GRB10: variants seen among roughly 807,000 people sequenced by gnomAD.
GRB10 encodes growth factor receptor bound protein 10, also known as growth factor receptor-bound protein 10.
GRB10 carries 20 observed loss-of-function variants against 80.9 expected under a neutral mutation model. The ratio of observed to expected loss-of-function variants is 0.25; its 90% CI spans 0.17 to 0.36. The LOEUF (loss-of-function observed/expected upper bound fraction) is 0.36. Ranked by LOEUF, GRB10 falls within the 10% of genes least tolerant of loss-of-function variation. The pLI, the probability that GRB10 is intolerant of heterozygous loss-of-function variation, is 1.00. For synonymous variants in GRB10, 291 were observed against 291.5 expected, an observed-to-expected ratio of 1.00 and a Z score of 0.02; for missense variants, 548 against 747.7, an observed-to-expected ratio of 0.73 and a Z score of 3.12.
At chr7:50,690,307 A>ACAAC (rs2062651606) in intron 5 of GRB10, among the ~76,000 whole-genome samples, 1 of 47,522 alleles carries the variant, frequency 2.1e-5, no homozygotes, top group South Asian at 6.3e-4. Flanking sequence ...AAACAAACAA[A>ACAAC]CAAACAAACA....
chr7:50,791,261 G>A lies in GRB10; in HGVS notation c.-294+1963C>T, dbSNP rs145401690. On this transcript the variant is annotated intron_variant, in intron 1 of 16. Coordinates refer to the GRB10 transcript ENST00000335866. ...TCCCAAAATAAATGTGTATTTAAAT[G>A]TAAAAAGTGAGTGAACTAAAAGGAA... 6.6e-5 allele frequency among the ~76,000 whole-genome samples: 10 copies of A among 152,240 alleles called. No individual in the cohort carries two copies. In the East Asian group the frequency reaches 1.9e-3, roughly 29 times the overall value.
At chr7:50,761,093 C>T (rs564180001) in intron 2 of GRB10, among the ~76,000 whole-genome samples, 11 of 152,340 alleles carry the variant, frequency 7.2e-5, no homozygotes, top group South Asian at 2.1e-4. Context: ...TGAGGCAGCA[C>T]TGTTACCTCA....
intron 5 of GRB10, among the ~76,000 whole-genome samples, chr7:50,674,984 A>T (rs1049489992): frequency 6.6e-6 from 1 of 152,026 alleles, no homozygotes; most frequent in African/African-American, 2.4e-5. Flanking sequence ...GGTAGGCCGC[A>T]CACAGCCACA....
At chr7:50,620,192 C>T (rs946452544) in intron 8 of GRB10, among the ~76,000 whole-genome samples, 3 of 152,198 alleles carry the variant, frequency 2.0e-5, no homozygotes, top group African/African-American at 7.2e-5. Context: ...CTTATTAAAT[C>T]ATGGAATAAA....
chr7:50,744,245 A>G (rs749043726), intron 3 of GRB10, among the ~76,000 whole-genome samples: 1 of 152,232 alleles, frequency 6.6e-6, no homozygotes, highest in Non-Finnish European at 1.5e-5. Flanking sequence ...GCGTAGAACC[A>G]TCACAGGCCG....
At chr7:50,771,627 C>T (rs542997330) in intron 2 of GRB10, among the ~76,000 whole-genome samples, 4 of 152,286 alleles carry the variant, frequency 2.6e-5, no homozygotes, top group East Asian at 1.9e-4. Context: ...CACACATCAG[C>T]GCCCAAGATT....
intron 7 of GRB10, among the ~76,000 whole-genome samples, chr7:50,647,688 A>C (rs915984477): frequency 1.3e-5 from 2 of 152,342 alleles, no homozygotes; most frequent in Middle Eastern, 3.4e-3. Flanking sequence ...CCACAGGCCG[A>C]CTGTGATGCT....
chr7:50,737,417 C>T (rs60181460), intron 3 of GRB10, among the ~76,000 whole-genome samples: 9,947 of 152,278 alleles, frequency 0.065, 1,079 homozygotes, highest in African/African-American at 0.23. Context: ...CTTCACCTTC[C>T]TCCATGAGTC....
chr7:50,665,521 C>T (rs1001519709), intron 7 of GRB10, among the ~76,000 whole-genome samples: 1 of 152,192 alleles, frequency 6.6e-6, no homozygotes, highest in Admixed American at 6.5e-5. Flanking sequence ...ATGCTTCCAC[C>T]AAGGGTCTGA....
chr7:50,743,416 G>A (rs887311128), intron 3 of GRB10, among the ~76,000 whole-genome samples: 1 of 152,232 alleles, frequency 6.6e-6, no homozygotes, highest in African/African-American at 2.4e-5. Context: ...CAATGGCTTT[G>A]AAACGTAAGC....
At chr7:50,669,990 A>G in intron 6 of GRB10, 127 bp from the exon 7 acceptor site, 1 of 1,191,132 alleles carries the variant, frequency 8.4e-7, no homozygotes, top group Non-Finnish European at 1.2e-6. Context: ...GCCCACGTTC[A>G]CAGTGGCATC....
chr7:50,793,410 C>G (rs1416895037), exon 1 of GRB10: 1 of 148,764 alleles, frequency 6.7e-6, no homozygotes, highest in Non-Finnish European at 1.5e-5. Flanking sequence ...CTCCGAGCGC[C>G]GAGCCCGCCC....
At chr7:50,694,532 A>G (rs2153661099) in intron 5 of GRB10, among the ~76,000 whole-genome samples, 1 of 152,318 alleles carries the variant, frequency 6.6e-6, no homozygotes, top group East Asian at 1.9e-4. Flanking sequence ...ACTCTGGCCA[A>G]TAACTTAAAT....
At chr7:50,760,491 T>A (rs1377848905) in intron 2 of GRB10, among the ~76,000 whole-genome samples, 2 of 152,192 alleles carry the variant, frequency 1.3e-5, no homozygotes, top group Non-Finnish European at 2.9e-5. Flanking sequence ...GTAGTATGTA[T>A]CTATCTAAAT....
At chr7:50,744,262 TG>T (rs2072439290) in intron 3 of GRB10, among the ~76,000 whole-genome samples, 1 of 152,128 alleles carries the variant, frequency 6.6e-6, no homozygotes. Context: ...GCCGGCAGGC[TG>T]GAGTCAAAGA....
intron 7 of GRB10, among the ~76,000 whole-genome samples, chr7:50,660,653 C>T (rs1322784716): frequency 6.6e-6 from 1 of 152,092 alleles, no homozygotes; most frequent in Non-Finnish European, 1.5e-5. Flanking sequence ...AGGTGGCTTC[C>T]GTTGGGAGAC....
intron 18 of GRB10, among the ~76,000 whole-genome samples, chr7:50,594,746 A>T (rs775120125): frequency 6.6e-6 from 1 of 152,234 alleles, no homozygotes; most frequent in Non-Finnish European, 1.5e-5. Context: ...ACTGTGGCAT[A>T]CTGAAGTGAG....
At chr7:50,776,598 A>C (rs1480261566) in intron 2 of GRB10, among the ~76,000 whole-genome samples, 1 of 152,184 alleles carries the variant, frequency 6.6e-6, no homozygotes, top group Non-Finnish European at 1.5e-5. Context: ...AAGAGAAGTC[A>C]TGCAGCATAC....
chr7:50,726,913 T>C (rs764721146), intron 4 of GRB10: 5 of 152,216 alleles, frequency 3.3e-5, no homozygotes, highest in Non-Finnish European at 7.3e-5. Flanking sequence ...CGAATGTACC[T>C]CTGTTACTCA....
Sources: allele counts gnomAD v4.1 joint callset (sites outside exome capture counted in the v4.1 genomes callset), GRCh38; gene constraint gnomAD v4.1.1; transcripts MANE v1.5; gene names NCBI Gene and HGNC (gene_info 2026-07-23, HGNC 2026-07-21).